Variants in KDM3A observed in about 807,000 individuals in gnomAD.
KDM3A encodes lysine-specific demethylase 3A.
Under a neutral mutation model 158.0 loss-of-function variants are expected in KDM3A, and 60 were observed. The observed-to-expected ratio is 0.38, with a 90% CI of 0.31 to 0.47. The LOEUF (loss-of-function observed/expected upper bound fraction) is 0.47, where lower values mean the gene tolerates loss of function less well. Among genes scored for constraint, KDM3A ranks in the 20% least tolerant of loss-of-function variants. KDM3A has a pLI of 0.99. For synonymous variants in KDM3A, 608 were observed against 549.3 expected (o/e 1.11, Z -1.49); for missense variants, 1,319 against 1,574.3 (o/e 0.84, Z 2.74).
At chr2:86,446,449 T>A (rs1286693087) in intron 2 of KDM3A, among the ~76,000 whole-genome samples, 1 of 152,242 alleles carries the variant, frequency 6.6e-6, no homozygotes, top group Non-Finnish European at 1.5e-5. Context: ...ATGTCTGTAA[T>A]CCCAATAATT....
chr2:86,458,074 T>C (rs1023555786), intron 8 of KDM3A, among the ~76,000 whole-genome samples: 15 of 151,840 alleles, frequency 9.9e-5, no homozygotes, highest in African/African-American at 3.6e-4. Flanking sequence ...CAGGCTGGAG[T>C]TTAAAATTTA....
chr2:86,470,146 T>C (rs182109759), intron 10 of KDM3A, 58 bp from the exon 11 acceptor site: 14 of 1,386,964 alleles, frequency 1.0e-5, no homozygotes, highest in South Asian at 4.6e-5. Context: ...TTCAGTCATA[T>C]ATGAATGTGA....
At chr2:86,441,083 C>G (rs773885009), upstream of KDM3A, 1 of 152,292 alleles carries the variant, frequency 6.6e-6, no homozygotes, top group Non-Finnish European at 1.5e-5. Context: ...TACTGTGAGG[C>G]AACAAATGGA....
rs1673958327 is a variant in KDM3A at position 86,482,096 on chromosome 2, A to G, written c.2679A>G (p.Thr893=). Residue 893 remains threonine (T), a synonymous_variant, in exon 17 of 26, where the codon ACA becomes ACG. Transcript: ENST00000312912. ...TCCGGAATCTCTTGAATTCTTCTAC[A>G]GGAAAGGTATGTGTTTGTTTGTTGG... ...GFLRNLLNSS[T]GKTENGLKNT... 1 of 1,613,002 alleles carries G rather than the reference A, an allele frequency of 6.2e-7. No individual in the cohort carries two copies. Among genetic ancestry groups the G allele is most frequent in the African/African-American group, 1.3e-5 (1 of 74,656 alleles).
In KDM3A at chr2:86,492,181, G is replaced by A. The variant is rs751717866; in HGVS notation, c.*62G>A. ...TTCAAACTCTTCAGGCAGGATTCCT[G>A]TGGACTTTGAGATTCATGTTACCTC... On this transcript the variant is annotated 3_prime_UTR_variant, in exon 26 of 26. Transcript: ENST00000312912. 11 of 1,264,338 alleles carry A rather than the reference G, an allele frequency of 8.7e-6. No homozygotes were observed. The highest frequency in any genetic ancestry group is 1.5e-5 in the African/African-American group (1 of 67,878). 78.3% of individuals were successfully genotyped at this position (1,264,338 alleles called of 1,614,324 possible).
chr2:86,477,324 A>C (rs761036179), intron 12 of KDM3A, among the ~76,000 whole-genome samples: 10 of 152,196 alleles, frequency 6.6e-5, no homozygotes, highest in Non-Finnish European at 1.3e-4. Flanking sequence ...GCACAAAGTT[A>C]ATGTGCAACT....
chr2:86,484,879 G>A (rs927989547), intron 19 of KDM3A, 63 bp from the exon 20 acceptor site: 9 of 995,302 alleles, frequency 9.0e-6, no homozygotes, highest in African/African-American at 1.6e-5. Context: ...ATGCTAATTT[G>A]TCATTTATTT....
At chr2:86,455,313 A>G in intron 5 of KDM3A, 126 bp downstream of exon 5, 2 of 600,930 alleles carry the variant, frequency 3.3e-6, no homozygotes, top group Non-Finnish European at 5.7e-6. Context: ...TTTTTTTGAG[A>G]CAGTCTAGTT....
chr2:86,481,408 A>G (rs1478814436), intron 16 of KDM3A, among the ~76,000 whole-genome samples: 1 of 151,718 alleles, frequency 6.6e-6, no homozygotes, highest in Admixed American at 6.6e-5. Context: ...GCCTGCCACC[A>G]CGCCCTGCTA....
intron 5 of KDM3A, among the ~76,000 whole-genome samples, chr2:86,455,845 ACTCAGGAGG>A (rs1672669982): frequency 6.6e-6 from 1 of 151,346 alleles, no homozygotes; most frequent in Non-Finnish European, 1.5e-5. Flanking sequence ...AATCCCAGCT[ACTCAGGAGG>A]CTGAGGCAGG....
At chr2:86,450,660 T>C (rs138287505) in intron 3 of KDM3A, among the ~76,000 whole-genome samples, 2 of 152,312 alleles carry the variant, frequency 1.3e-5, no homozygotes, top group South Asian at 2.1e-4. Context: ...GGTTGAAGGC[T>C]GATCAGATTG....
intron 16 of KDM3A, among the ~76,000 whole-genome samples, chr2:86,481,159 CTTAAA>C (rs1444753620): frequency 2.6e-5 from 4 of 152,224 alleles, no homozygotes; most frequent in Non-Finnish European, 4.4e-5. Context: ...CAAAAAACTT[CTTAAA>C]TTAAGAACAT....
intron 9 of KDM3A, among the ~76,000 whole-genome samples, 193 bp downstream of exon 9, chr2:86,464,409 A>G (rs1558615618): frequency 6.6e-6 from 1 of 152,180 alleles, no homozygotes; most frequent in East Asian, 1.9e-4. Flanking sequence ...TAGAAGTGAA[A>G]GGGGGCATGA....
rs1222623928 is a variant in KDM3A at position 86,473,914 on chromosome 2, C to T, written c.1725-862C>T. 2.0e-5 allele frequency among the ~76,000 whole-genome samples: 3 copies of T among 152,216 alleles called. No homozygotes were observed. In the East Asian group the frequency reaches 5.8e-4, roughly 29 times the overall value. On this transcript the variant is annotated intron_variant, in intron 11 of 25. Coordinates refer to ENST00000312912, the MANE Select transcript of KDM3A (RefSeq NM_018433.6). ...GGCCCATTTTAATGCTTCCCTCTTTCCAGAAGCTTGGACGGTAACGTGCAG... is the reference window on the plus strand; with the variant it reads ...GGCCCATTTTAATGCTTCCCTCTTTTCAGAAGCTTGGACGGTAACGTGCAG...
Position 86,492,390 on chromosome 2 carries a change from TG to T in KDM3A, c.*273del. 2.6e-6 allele frequency: 1 copy of T among 380,134 alleles called. No individual in the cohort carries two copies. The highest frequency in any genetic ancestry group is 4.8e-5 in the South Asian group (1 of 21,000). 23.5% of individuals were successfully genotyped at this position (380,134 alleles called of 1,614,324 possible). A position where few individuals can be genotyped will look rare whatever the true frequency, so the allele number is the denominator to read the frequency against. On this transcript the variant is annotated 3_prime_UTR_variant, in exon 26 of 26. Transcript: ENST00000312912. Reference sequence around the variant, plus strand: ...TAAAAGCAAAACCTCGTATCAGCTCTGGAACAATACCTGCAGTTATTCTTCA... The same window carrying T: ...TAAAAGCAAAACCTCGTATCAGCTCTGAACAATACCTGCAGTTATTCTTCA...
rs1266289084 is a variant in KDM3A at position 86,485,039 on chromosome 2, T to C, written c.3182+10T>C. The C allele has an allele frequency of 6.9e-7, 1 of 1,458,708 alleles. No individual in the cohort carries two copies. The highest frequency in any genetic ancestry group is 2.3e-5 in the East Asian group (1 of 44,126). 90.4% of individuals were successfully genotyped at this position (1,458,708 alleles called of 1,614,324 possible). A position where few individuals can be genotyped will look rare whatever the true frequency, so the allele number is the denominator to read the frequency against. Reference sequence around the variant, plus strand: ...ATATGATGCCTTCCAGGTATGATTATGAAGGTGGGGAGAGATGATTCTGTC... The same window carrying C: ...ATATGATGCCTTCCAGGTATGATTACGAAGGTGGGGAGAGATGATTCTGTC... On this transcript the variant is annotated intron_variant, in intron 20 of 25. Coordinates refer to ENST00000312912, the MANE Select transcript of KDM3A (RefSeq NM_018433.6).
chr2:86,481,812 ATT>A (rs996116626), intron 16 of KDM3A, 116 bp from the exon 17 acceptor site: 3 of 714,672 alleles, frequency 4.2e-6, no homozygotes, highest in Admixed American at 5.5e-5. Context: ...TCCCTAAAGT[ATT>A]TTTTTTGTTT....
Position 86,469,163 on chromosome 2 carries a change from C to T in KDM3A, c.1520-1041C>T, listed in dbSNP as rs552147613. Among the ~76,000 whole-genome samples the T allele has an allele frequency of 2.0e-5, 3 of 152,266 alleles. No individual in the cohort carries two copies. The South Asian group carries it at 6.2e-4, about 32-fold the overall frequency. On this transcript the variant is annotated intron_variant, in intron 10 of 25. Transcript: ENST00000312912. ...TGTAGAAATTTACATGTGGTCTAGT[C>T]CTGCTTTAAAAGAGAGGTAAGATTA...
chr2:86,451,015 T>A, intron 3 of KDM3A, 88 bp from the exon 4 acceptor site: 1 of 793,008 alleles, frequency 1.3e-6, no homozygotes. Context: ...GCTTTATCAC[T>A]TTCTCTGTGT....
Sources: gnomAD v4.1 joint callset for allele counts (sites outside exome capture counted in the v4.1 genomes callset) on GRCh38, gnomAD v4.1.1 for gene constraint, MANE v1.5 for transcripts, NCBI Gene and HGNC (gene_info 2026-07-23, HGNC 2026-07-21) for gene names.